Variants in SPATA17 observed in about 807,000 individuals in gnomAD.
SPATA17 encodes the protein spermatogenesis-associated protein 17.
SPATA17 carries 53 observed loss-of-function variants against 62.2 expected under a neutral mutation model. That is an observed-to-expected ratio of 0.85 (90% CI 0.68 to 1.07). The LOEUF (loss-of-function observed/expected upper bound fraction) is 1.07. SPATA17 is among the 50% of genes least tolerant of loss of function. The pLI, the probability that SPATA17 is intolerant of heterozygous loss-of-function variation, is 0.00. For missense variants in SPATA17, 466 were observed against 425.5 expected, an observed-to-expected ratio of 1.10 and a Z score of -0.84; for synonymous variants, 146 against 146.8, an observed-to-expected ratio of 0.99 and a Z score of 0.04.
intron 9 of SPATA17, among the ~76,000 whole-genome samples, chr1:217,814,375 TA>T (rs1301986644): frequency 6.6e-6 from 1 of 152,198 alleles, no homozygotes; most frequent in African/African-American, 2.4e-5. Flanking sequence ...CGGAGGTCTG[TA>T]AGATTCACAT....
Position 217,790,117 on chromosome 1 carries a change from C to T in SPATA17, c.872+7795C>T, listed in dbSNP as rs988580857. Among the ~76,000 whole-genome samples, 8 of 152,108 alleles carry T rather than the reference C, an allele frequency of 5.3e-5. 1 individual carries two copies. The South Asian group carries it at 6.2e-4, about 12-fold the overall frequency. On this transcript the variant is annotated intron_variant, in intron 8 of 10. Transcript: ENST00000366933. ...GGAATGACTTCCCCCAAGCCCCTTA[C>T]GAAGTAACTTACAACAAAGGGTGAT...
At chr1:217,636,128 T>G (rs1669932109) in intron 1 of SPATA17, among the ~76,000 whole-genome samples, 1 of 20,336 alleles carries the variant, frequency 4.9e-5, no homozygotes, top group Non-Finnish European at 8.8e-5. Flanking sequence ...TGAGACTCCG[T>G]CTCAAAAAAA....
chr1:217,864,659 T>C (rs1675972099), intron 10 of SPATA17, among the ~76,000 whole-genome samples: 1 of 151,950 alleles, frequency 6.6e-6, no homozygotes, highest in African/African-American at 2.4e-5. Context: ...GTACTTTCTG[T>C]GGGATACTTC....
At chr1:217,670,133 T>C (rs998773100) in intron 4 of SPATA17, among the ~76,000 whole-genome samples, 3 of 152,236 alleles carry the variant, frequency 2.0e-5, no homozygotes, top group African/African-American at 7.2e-5. Flanking sequence ...GGGAATACTT[T>C]CGTCTGGGAA....
rs1316037866 is a variant in SPATA17, at chr1:217,672,872, C to T, written c.291+3789C>T. Among the ~76,000 whole-genome samples, 3 of 152,194 alleles carry T rather than the reference C, an allele frequency of 2.0e-5. No individual in the cohort carries two copies. The East Asian group carries it at 5.8e-4, about 29-fold the overall frequency. ...TTACATGCCTGTCTCCACCCCACCA[C>T]CCCCTGCTCCCCTGTACACTATAAG... On this transcript the variant is annotated intron_variant, in intron 4 of 10. Transcript: ENST00000366933.
intron 5 of SPATA17, among the ~76,000 whole-genome samples, chr1:217,699,185 G>A (rs1441786546): frequency 6.6e-6 from 1 of 152,176 alleles, no homozygotes; most frequent in Non-Finnish European, 1.5e-5. Flanking sequence ...CAGATTTTAT[G>A]TGAGCACACA....
At chr1:217,834,258 A>T (rs771671554) in intron 9 of SPATA17, among the ~76,000 whole-genome samples, 1 of 152,152 alleles carries the variant, frequency 6.6e-6, no homozygotes, top group Non-Finnish European at 1.5e-5. Flanking sequence ...ATAATAAATG[A>T]CTATGTTATT....
intron 8 of SPATA17, among the ~76,000 whole-genome samples, chr1:217,789,607 T>A (rs932629347): frequency 6.6e-6 from 1 of 152,122 alleles, no homozygotes; most frequent in African/African-American, 2.4e-5. Context: ...AAATCATAAA[T>A]CAATACATGG....
At chr1:217,680,746 G>C (rs1671060426) in intron 4 of SPATA17, among the ~76,000 whole-genome samples, 1 of 151,536 alleles carries the variant, frequency 6.6e-6, no homozygotes, top group Non-Finnish European at 1.5e-5. Flanking sequence ...CCAACATGGT[G>C]AAACCCTGCC....
chr1:217,652,395 C>T (rs1022785627), intron 3 of SPATA17, among the ~76,000 whole-genome samples: 9 of 152,126 alleles, frequency 5.9e-5, no homozygotes, highest in Non-Finnish European at 1.2e-4. Context: ...CCACACCTGG[C>T]TAATTTTTTT....
chr1:217,825,452 C>T (rs1479031032), intron 9 of SPATA17, among the ~76,000 whole-genome samples: 1 of 151,744 alleles, frequency 6.6e-6, no homozygotes, highest in Non-Finnish European at 1.5e-5. Flanking sequence ...GCATTTCATT[C>T]TTTTTCACTC....
At chr1:217,846,017 A>G (rs1390147236) in intron 9 of SPATA17, among the ~76,000 whole-genome samples, 5 of 152,252 alleles carry the variant, frequency 3.3e-5, no homozygotes, top group African/African-American at 9.6e-5. Flanking sequence ...ACTAGCCTCT[A>G]TGATAGAAAA....
chr1:217,698,034 G>A (rs528849664), intron 5 of SPATA17, among the ~76,000 whole-genome samples: 1 of 151,958 alleles, frequency 6.6e-6, no homozygotes, highest in East Asian at 1.9e-4. Context: ...GGTGGCTCAC[G>A]CCTGTAATCT....
intron 9 of SPATA17, among the ~76,000 whole-genome samples, chr1:217,808,732 GT>G (rs1447311769): frequency 1.3e-5 from 2 of 151,994 alleles, no homozygotes; most frequent in African/African-American, 2.4e-5. Flanking sequence ...GTGCACACCT[GT>G]AGCCCCAGCT....
At chr1:217,853,806 G>A (rs1571844792) in intron 9 of SPATA17, among the ~76,000 whole-genome samples, 1 of 152,102 alleles carries the variant, frequency 6.6e-6, no homozygotes, top group Non-Finnish European at 1.5e-5. Flanking sequence ...GTGGCCAATA[G>A]CACTATAACT....
At chr1:217,786,372 G>T (rs552391553) in intron 8 of SPATA17, among the ~76,000 whole-genome samples, 361 of 152,254 alleles carry the variant, frequency 2.4e-3, no homozygotes, top group African/African-American at 8.2e-3. Flanking sequence ...TGCAAAAGAT[G>T]ATTGAGATTT....
intron 3 of SPATA17, among the ~76,000 whole-genome samples, chr1:217,667,563 G>T (rs945234927): frequency 1.3e-5 from 2 of 152,132 alleles, no homozygotes; most frequent in South Asian, 4.2e-4. Context: ...AGTTGTTCAC[G>T]GCCACACAGC....
chr1:217,742,951 T>A (rs879357612), intron 6 of SPATA17, among the ~76,000 whole-genome samples: 52 of 47,256 alleles, frequency 1.1e-3, no homozygotes, highest in East Asian at 4.6e-3. Flanking sequence ...CAAATTAAAA[T>A]ATATATATAT....
At chr1:217,808,592 G>A (rs748408923) in intron 9 of SPATA17, among the ~76,000 whole-genome samples, 6 of 152,118 alleles carry the variant, frequency 3.9e-5, no homozygotes, top group Non-Finnish European at 8.8e-5. Context: ...AGTGGCCCAC[G>A]CCTGTAATCC....
Sources: allele counts gnomAD v4.1 joint callset (sites outside exome capture counted in the v4.1 genomes callset), GRCh38; gene constraint gnomAD v4.1.1; transcripts MANE v1.5; gene names NCBI Gene and HGNC (gene_info 2026-07-23, HGNC 2026-07-21).